Variants in HERPUD1 observed in about 807,000 individuals in gnomAD.
HERPUD1 encodes the protein homocysteine inducible ER protein with ubiquitin like domain 1, also known as homocysteine-responsive endoplasmic reticulum-resident ubiquitin-like domain member 1 protein.
HERPUD1 carries 17 observed loss-of-function variants against 45.0 expected under a neutral mutation model. That is an observed-to-expected ratio of 0.38 (90% CI 0.26 to 0.57). The LOEUF is 0.57. HERPUD1 is among the 20% of genes least tolerant of loss of function. The pLI is 0.72. For missense variants in HERPUD1, 420 were observed against 490.5 expected (o/e 0.86, Z 1.36); for synonymous variants, 164 against 177.5 (o/e 0.92, Z 0.61).
Position 56,942,123 on chromosome 16 carries a change from C to T in HERPUD1, c.906-9C>T. On this transcript the variant is annotated splice_polypyrimidine_tract_variant and intron_variant, in intron 6 of 7. Transcript: ENST00000439977. ...AGCTAAGATGGACTTTTATGTGCTT[C>T]CTTTGAAGGCATCACGTTGGGTGGT... 1 of 1,610,070 alleles carries T rather than the reference C, an allele frequency of 6.2e-7. No homozygotes were observed. The highest frequency in any genetic ancestry group is 1.1e-5 in the South Asian group (1 of 90,992).
chr16:56,936,591 G>A, intron 3 of HERPUD1, 96 bp from the exon 4 acceptor site: 2 of 1,158,178 alleles, frequency 1.7e-6, no homozygotes, highest in East Asian at 2.7e-5. Flanking sequence ...TGGGGGGTAG[G>A]AGATGTAAGC....
chr16:56,933,457 A>G, intron 1 of HERPUD1: 1 of 421,194 alleles, frequency 2.4e-6, no homozygotes, highest in South Asian at 1.7e-5. Context: ...CTGTGTTGCC[A>G]TGAGAATGAC....
chr16:56,939,888 A>G lies in HERPUD1; in HGVS notation c.555-7A>G, dbSNP rs763213256. ...AACAGTATCTGCCTCTGTCGTTTTT[A>G]TTTTAGTTTAGCAGCCACTGCTGCA... On this transcript the variant is annotated splice_polypyrimidine_tract_variant and splice_region_variant and intron_variant, in intron 5 of 7. Transcript: ENST00000439977. 5.6e-6 allele frequency: 9 copies of G among 1,593,898 alleles called. No individual in the cohort carries two copies. In the African/African-American group the frequency reaches 8.1e-5, roughly 14 times the overall value.
At chr16:56,939,487 C>G (rs2055892783) in intron 5 of HERPUD1, 128 bp downstream of exon 5, 1 of 1,205,798 alleles carries the variant, frequency 8.3e-7, no homozygotes, top group Non-Finnish European at 1.2e-6. Context: ...GAGCCCTGCT[C>G]TGTTTGGTCT....
chr16:56,932,864 C>T (rs2055838276), intron 1 of HERPUD1, among the ~76,000 whole-genome samples: 1 of 152,184 alleles, frequency 6.6e-6, no homozygotes, highest in Non-Finnish European at 1.5e-5. Context: ...GGCTCTTCTC[C>T]TCCCTGGCCA....
chr16:56,938,443 G>A (rs1291044425), intron 4 of HERPUD1, among the ~76,000 whole-genome samples: 2 of 151,986 alleles, frequency 1.3e-5, no homozygotes, highest in African/African-American at 2.4e-5. Flanking sequence ...TGTGCCCGTA[G>A]TCCCAGCTAC....
rs1216465932 is a variant in HERPUD1 at position 56,943,558 on chromosome 16, C to G, written c.*268C>G. Reference sequence around the variant, plus strand: ...TTTAATAAGCACTGTACGTAGAAGGCCTTAGGTGTTGCATGTCTATGCTTG... The same window carrying G: ...TTTAATAAGCACTGTACGTAGAAGGGCTTAGGTGTTGCATGTCTATGCTTG... On this transcript the variant is annotated 3_prime_UTR_variant, in exon 8 of 8. Coordinates refer to ENST00000439977, the MANE Select transcript of HERPUD1 (RefSeq NM_014685.4). 7.9e-6 allele frequency: 4 copies of G among 507,960 alleles called. No individual in the cohort carries two copies. Among genetic ancestry groups the G allele is most frequent in the Non-Finnish European group, 1.4e-5 (4 of 278,150 alleles). 31.5% of individuals were successfully genotyped at this position (507,960 alleles called of 1,614,324 possible).
Position 56,935,532 on chromosome 16 carries a change from T to C in HERPUD1, c.300+57T>C, listed in dbSNP as rs148614544. The C allele has an allele frequency of 9.2e-6, 13 of 1,410,110 alleles. 1 individual carries two copies. In the East Asian group the frequency reaches 3.0e-4, roughly 32 times the overall value. 87.3% of individuals were successfully genotyped at this position (1,410,110 alleles called of 1,614,324 possible). On this transcript the variant is annotated intron_variant, in intron 3 of 7. Transcript: ENST00000439977. ...TGTATCATTCAGACTTTCAGGGGAG[T>C]AATAAAAGAAGTTGGATAAAACGTT...
intron 3 of HERPUD1, 148 bp downstream of exon 3, chr16:56,935,623 G>C: frequency 1.5e-6 from 1 of 673,938 alleles, no homozygotes; most frequent in African/African-American, 1.8e-5. Flanking sequence ...ATTAGAAACT[G>C]TATTATCAAC....
In HERPUD1 at chr16:56,942,253, C is replaced by G. The variant is rs8058509; in HGVS notation, c.1011+16C>G. On this transcript the variant is annotated intron_variant, in intron 7 of 7. Coordinates refer to ENST00000439977, the MANE Select transcript of HERPUD1 (RefSeq NM_014685.4). ...TAACTTACAGGTATGGAGCCTCCCACGAAGCCCAGGCGAGCTTGACGTGAT... is the reference window on the plus strand; with the variant it reads ...TAACTTACAGGTATGGAGCCTCCCAGGAAGCCCAGGCGAGCTTGACGTGAT... The G allele has an allele frequency of 5.1e-6, 8 of 1,575,988 alleles. No homozygotes were observed. The highest frequency in any genetic ancestry group is 7.0e-6 in the Non-Finnish European group (8 of 1,145,460).
In HERPUD1 at chr16:56,935,464, A is replaced by G. The variant is rs1208700196; in HGVS notation, c.289A>G (p.Ile97Val). 6 of 1,613,908 alleles carry G rather than the reference A, an allele frequency of 3.7e-6. No individual in the cohort carries two copies. Among genetic ancestry groups the G allele is most frequent in the Non-Finnish European group, 5.1e-6 (6 of 1,179,772 alleles). The change falls in exon 3 of 8, where the codon ATC (isoleucine) becomes GTC (valine). Residue 97 changes from isoleucine (I) to valine (V), a missense_variant. Transcript: ENST00000439977. ...NVKSPSKMPE[I>V]NAKVAESTEE... ...GAAGAGTCCTTCAAAAATGCCAGAA[A>G]TCAACGCCAAGGTGTGTCTGCCTCT...
intron 7 of HERPUD1, 105 bp from the exon 8 acceptor site, chr16:56,943,021 A>AGG: frequency 1.7e-6 from 2 of 1,172,076 alleles, no homozygotes; most frequent in South Asian, 2.8e-5. Context: ...CCTATGGGGC[A>AGG]GGGGGCAGGG....
At position 56,940,258 on chromosome 16, in the gene HERPUD1, T is replaced by C. The variant is rs778732173; in HGVS notation, c.905+13T>C. 1.3e-6 allele frequency: 2 copies of C among 1,563,034 alleles called. No individual in the cohort carries two copies. Among genetic ancestry groups the C allele is most frequent in the Non-Finnish European group, 8.8e-7 (1 of 1,136,856 alleles). On this transcript the variant is annotated intron_variant, in intron 6 of 7. Transcript: ENST00000439977. ...TTGTTATGTACCTGTAAGCAGATGG[T>C]TTCTCTAATATAAATTACACTACAC...
At position 56,943,649 on chromosome 16, in the gene HERPUD1, G is replaced by T; in HGVS notation, c.*359G>T. 2.5e-6 allele frequency: 1 copy of T among 398,824 alleles called. No individual in the cohort carries two copies. Among genetic ancestry groups the T allele is most frequent in the Admixed American group, 3.7e-5 (1 of 26,668 alleles). 24.7% of individuals were successfully genotyped at this position (398,824 alleles called of 1,614,324 possible). ...ACATAGAAGTCATAGATGCAGAAGT[G>T]GTTCTGCTGGTACGATTTGATTCCT... On this transcript the variant is annotated 3_prime_UTR_variant, in exon 8 of 8. Coordinates refer to ENST00000439977, the MANE Select transcript of HERPUD1 (RefSeq NM_014685.4).
At chr16:56,932,487 G>A (rs1365526223) in intron 1 of HERPUD1, 96 bp downstream of exon 1, 7 of 1,154,182 alleles carry the variant, frequency 6.1e-6, no homozygotes, top group South Asian at 1.6e-5. Flanking sequence ...GCCTCCTCCC[G>A]CTGACGGCTG....
Position 56,935,407 on chromosome 16 carries a change from A to G in HERPUD1, c.232A>G (p.Lys78Glu). 1.1e-5 allele frequency: 17 copies of G among 1,614,228 alleles called. No homozygotes were observed. Among genetic ancestry groups the G allele is most frequent in the Non-Finnish European group, 1.4e-5 (17 of 1,180,028 alleles). ...ACCTTCGTATTACTTTTAGCAGGAAAAACGGCATGTTTTGCATCTGGTGTG... is the reference window on the plus strand; with the variant it reads ...ACCTTCGTATTACTTTTAGCAGGAAGAACGGCATGTTTTGCATCTGGTGTG... Reference protein sequence around the residue: ...CLRDLLPKQEKRHVLHLVCNV... With the variant: ...CLRDLLPKQEERHVLHLVCNV... The change falls in exon 3 of 8, where the codon AAA becomes GAA. Residue 78 changes from lysine to glutamate, a missense_variant. Transcript: ENST00000439977.
At position 56,936,737 on chromosome 16, in the gene HERPUD1, T is replaced by G; in HGVS notation, c.351T>G (p.Pro117=). Residue 117 remains proline (P), a synonymous_variant, in exon 4 of 8, where the codon CCT becomes CCG. Coordinates refer to ENST00000439977, the MANE Select transcript of HERPUD1 (RefSeq NM_014685.4). ...CTGGTTCTAATCGGGGACAGTATCCTGAGGATTCCTCAAGTGATGGTTTAA... is the reference window on the plus strand; with the variant it reads ...CTGGTTCTAATCGGGGACAGTATCCGGAGGATTCCTCAAGTGATGGTTTAA... ...EPAGSNRGQY[P]EDSSSDGLRQ... 2 of 1,614,114 alleles carry G rather than the reference T, an allele frequency of 1.2e-6. No individual in the cohort carries two copies. Among genetic ancestry groups the G allele is most frequent in the Non-Finnish European group, 1.7e-6 (2 of 1,179,982 alleles).
chr16:56,939,936 C>A lies in HERPUD1; in HGVS notation c.596C>A (p.Pro199Gln). The change falls in exon 6 of 8, where the codon CCA (proline) becomes CAA (glutamine). Residue 199 changes from proline (P) to glutamine (Q), a missense_variant. By Grantham distance (76) the Pro-to-Gln change is moderately conservative. Coordinates refer to ENST00000439977, the MANE Select transcript of HERPUD1 (RefSeq NM_014685.4). ...TAASGAFVPP[P>Q]SAQEIPVVSA... ...GCATCAGGGGCTTTTGTTCCACCAC[C>A]AAGTGCACAAGAGATACCTGTGGTC... 1 of 1,613,292 alleles carries A rather than the reference C, an allele frequency of 6.2e-7. No homozygotes were observed. Among genetic ancestry groups the A allele is most frequent in the South Asian group, 1.1e-5 (1 of 91,076 alleles).
chr16:56,933,569 G>A (rs1243312274), intron 1 of HERPUD1, among the ~76,000 whole-genome samples: 1 of 152,156 alleles, frequency 6.6e-6, no homozygotes, highest in Non-Finnish European at 1.5e-5. Context: ...CCTTTGATGA[G>A]GAATGCCGCT....
Sources: allele counts gnomAD v4.1 joint callset (sites outside exome capture counted in the v4.1 genomes callset), GRCh38; gene constraint gnomAD v4.1.1; transcripts MANE v1.5; gene names NCBI Gene and HGNC (gene_info 2026-07-23, HGNC 2026-07-21).